MBOAT2: variants seen among roughly 807,000 people sequenced by gnomAD.
MBOAT2 encodes the protein membrane-bound glycerophospholipid O-acyltransferase 2.
MBOAT2 carries 28 observed loss-of-function variants against 63.4 expected under a neutral mutation model. The ratio of observed to expected loss-of-function variants is 0.44; its 90% CI spans 0.33 to 0.61. MBOAT2 has a LOEUF of 0.61. Ranked by LOEUF, MBOAT2 falls within the 20% of genes least tolerant of loss-of-function variation. The pLI, the probability that MBOAT2 is intolerant of heterozygous loss-of-function variation, is 0.03. For synonymous variants in MBOAT2, 211 were observed against 215.6 expected, an observed-to-expected ratio of 0.98 and a Z score of 0.19; for missense variants, 470 against 605.8, an observed-to-expected ratio of 0.78 and a Z score of 2.35.
intron 1 of MBOAT2, among the ~76,000 whole-genome samples, chr2:9,000,479 T>C (rs1293095203): frequency 1.3e-5 from 2 of 152,264 alleles, no homozygotes; most frequent in African/African-American, 4.8e-5. Flanking sequence ...CAACTTATTA[T>C]CACTATGAAA....
chr2:8,948,709 A>G (rs1668599089), intron 2 of MBOAT2, among the ~76,000 whole-genome samples: 1 of 152,212 alleles, frequency 6.6e-6, no homozygotes, highest in Admixed American at 6.5e-5. Context: ...TCCATGGTGT[A>G]TATGTACCAC....
intron 3 of MBOAT2, among the ~76,000 whole-genome samples, chr2:8,912,373 G>GAAAGAGAAAGAAAGAAAGAAAGAGAA (rs67420836): frequency 2.4e-5 from 2 of 84,354 alleles, no homozygotes; most frequent in African/African-American, 9.4e-5. Context: ...AAGAAAGAAA[G>GAAAGAGAAAGAAAGAAAGAAAGAGAA]AGAAAGAAAG....
intron 3 of MBOAT2, among the ~76,000 whole-genome samples, chr2:8,911,863 T>C (rs1665731962): frequency 6.6e-6 from 1 of 152,146 alleles, no homozygotes; most frequent in South Asian, 2.1e-4. Context: ...GCCTCAGGTA[T>C]TCCTTTATAG....
intron 2 of MBOAT2, among the ~76,000 whole-genome samples, chr2:8,948,334 A>T (rs1008353715): frequency 2.0e-5 from 3 of 152,190 alleles, no homozygotes; most frequent in African/African-American, 7.2e-5. Context: ...TAACAACAAC[A>T]AAAAATTTTT....
At chr2:8,909,989 C>T (rs190232482) in intron 3 of MBOAT2, among the ~76,000 whole-genome samples, 89 of 152,338 alleles carry the variant, frequency 5.8e-4, no homozygotes, top group African/African-American at 2.1e-3. Flanking sequence ...GGCTGGCCTT[C>T]TAACTGCACA....
intron 3 of MBOAT2, among the ~76,000 whole-genome samples, chr2:8,916,302 G>A (rs1666170725): frequency 6.6e-6 from 1 of 152,120 alleles, no homozygotes; most frequent in African/African-American, 2.4e-5. Flanking sequence ...TGGGATTTCT[G>A]CTCTTCACAG....
intron 1 of MBOAT2, among the ~76,000 whole-genome samples, chr2:8,972,208 A>ATC (rs1258987990): frequency 6.6e-6 from 1 of 152,226 alleles, no homozygotes; most frequent in African/African-American, 2.4e-5. Context: ...CTCAGAAATA[A>ATC]TACCACACAT....
At position 8,862,309 on chromosome 2, in the gene MBOAT2, T is replaced by C; in HGVS notation, c.1185+281A>G. 7.4e-7 allele frequency: 1 copy of C among 1,359,934 alleles called. No individual in the cohort carries two copies. Among genetic ancestry groups the C allele is most frequent in the African/African-American group, 1.5e-5 (1 of 68,708 alleles). 84.2% of individuals were successfully genotyped at this position (1,359,934 alleles called of 1,614,324 possible). ...CTTTATTTAACTCAGTTTTTATCTC[T>C]CCTTCAGAAAATTCTGTAAAGACAA... On this transcript the variant is annotated intron_variant, in intron 11 of 12. Transcript: ENST00000305997. This position sits in a 1 kb window ranked among gnomAD's most constrained non-coding sequence, Gnocchi z 4.3.
chr2:8,930,340 T>C (rs1667229419), intron 3 of MBOAT2, among the ~76,000 whole-genome samples: 1 of 152,226 alleles, frequency 6.6e-6, no homozygotes, highest in Admixed American at 6.5e-5. Context: ...GTTTGGTTTT[T>C]TGTCCTTGCG....
At chr2:8,954,504 C>T (rs935798369) in intron 2 of MBOAT2, among the ~76,000 whole-genome samples, 2 of 152,134 alleles carry the variant, frequency 1.3e-5, no homozygotes, top group African/African-American at 2.4e-5. Flanking sequence ...GGGCAGCCAC[C>T]GAGAATGCAG....
At chr2:8,944,648 GACACACACACACACAC>G (rs61107364) in intron 2 of MBOAT2, among the ~76,000 whole-genome samples, 14 of 140,214 alleles carry the variant, frequency 1.0e-4, no homozygotes, top group African/African-American at 3.1e-4. Context: ...CTGTTTGACT[GACACACACACACACAC>G]ACACACACAC....
At chr2:8,925,278 G>GCA (rs748634536) in intron 3 of MBOAT2, among the ~76,000 whole-genome samples, 8 of 152,118 alleles carry the variant, frequency 5.3e-5, no homozygotes, top group Non-Finnish European at 1.0e-4. Context: ...CCACCTGCCT[G>GCA]CACACAAGAT....
chr2:8,903,179 A>C (rs1665088686), intron 4 of MBOAT2, among the ~76,000 whole-genome samples: 1 of 152,182 alleles, frequency 6.6e-6, no homozygotes. Context: ...GTGCATTTAC[A>C]ATCCTTTAGC....
At chr2:8,884,853 C>T (rs1663431914) in intron 5 of MBOAT2, among the ~76,000 whole-genome samples, 1 of 152,224 alleles carries the variant, frequency 6.6e-6, no homozygotes, top group African/African-American at 2.4e-5. Context: ...CAGTTCAAAA[C>T]TTGGGAACTG....
chr2:9,002,998 G>C (rs914227559), intron 1 of MBOAT2, among the ~76,000 whole-genome samples: 1 of 152,092 alleles, frequency 6.6e-6, no homozygotes, highest in African/African-American at 2.4e-5. Flanking sequence ...AAGTGCAGTA[G>C]CGCTTAAGCC....
At chr2:8,971,474 T>C (rs1222335121) in intron 1 of MBOAT2, among the ~76,000 whole-genome samples, 1 of 152,174 alleles carries the variant, frequency 6.6e-6, no homozygotes, top group Admixed American at 6.5e-5. Context: ...GGATGCCCTG[T>C]CTCACCACTC....
chr2:8,881,564 A>G (rs1261445513), intron 6 of MBOAT2, among the ~76,000 whole-genome samples: 1 of 152,168 alleles, frequency 6.6e-6, no homozygotes, highest in East Asian at 1.9e-4. Context: ...TCGATGTGAG[A>G]GGCACAGGGG....
intron 3 of MBOAT2, among the ~76,000 whole-genome samples, chr2:8,923,685 C>A (rs916137064): frequency 6.6e-6 from 1 of 152,150 alleles, no homozygotes; most frequent in Non-Finnish European, 1.5e-5. Context: ...CATTACTTTG[C>A]CAAGGGATGG....
At chr2:8,892,731 G>A (rs530301748) in intron 4 of MBOAT2, among the ~76,000 whole-genome samples, 1 of 152,166 alleles carries the variant, frequency 6.6e-6, no homozygotes, top group Non-Finnish European at 1.5e-5. Context: ...GAAGATGACA[G>A]TGAAATAGAG....
Sources: gnomAD v4.1 joint callset for allele counts (sites outside exome capture counted in the v4.1 genomes callset) on GRCh38, gnomAD v4.1.1 for gene constraint, Gnocchi (gnomAD v3.1) non-coding constraint, MANE v1.5 for transcripts, NCBI Gene and HGNC (gene_info 2026-07-23, HGNC 2026-07-21) for gene names.